CFAP92: variants seen among roughly 807,000 people sequenced by gnomAD.
CFAP92 encodes uncharacterized protein CFAP92.
In CFAP92, 86 loss-of-function variants were observed where a neutral mutation model predicts 106.3. The observed-to-expected ratio is 0.81, with a 90% CI of 0.68 to 0.97. The LOEUF (loss-of-function observed/expected upper bound fraction) is 0.97, where lower values mean the gene tolerates loss of function less well. CFAP92 is among the 50% of genes least tolerant of loss of function. The pLI is 0.00. For synonymous variants in CFAP92, 477 were observed against 506.4 expected, an observed-to-expected ratio of 0.94 and a Z score of 0.78; for missense variants, 1,204 against 1,283.8, an observed-to-expected ratio of 0.94 and a Z score of 0.95.
the CFAP92 span, among the ~76,000 whole-genome samples, chr3:129,016,788 G>C: frequency 6.6e-6 from 1 of 152,146 alleles, no homozygotes; most frequent in Non-Finnish European, 1.5e-5. Context: ...AGCACTCACT[G>C]GGTGTTAGGC....
At chr3:128,933,229 G>T (rs547694294) in intron 11 of CFAP92, among the ~76,000 whole-genome samples, 1 of 152,176 alleles carries the variant, frequency 6.6e-6, no homozygotes, top group East Asian at 1.9e-4. Flanking sequence ...CCCACGGTTT[G>T]CTCTGAGTGC....
At chr3:129,013,374 G>A in the CFAP92 span, among the ~76,000 whole-genome samples, 1 of 152,104 alleles carries the variant, frequency 6.6e-6, no homozygotes, top group Admixed American at 6.5e-5. Flanking sequence ...AAGTAGGAAC[G>A]GCACTTATTT....
At chr3:128,965,720 G>C in intron 8 of CFAP92, 25 bp from the exon 9 acceptor site, 1 of 398,180 alleles carries the variant, frequency 2.5e-6, no homozygotes. Flanking sequence ...CCCAGCATTA[G>C]ACCTTTCCTC....
the CFAP92 span, among the ~76,000 whole-genome samples, chr3:129,010,437 G>A: frequency 7.2e-5 from 11 of 152,312 alleles, no homozygotes; most frequent in South Asian, 2.3e-3. The surrounding 1 kb of genome is among the most constrained non-coding windows in gnomAD (Gnocchi z 4.3). Context: ...AGCCGGAACA[G>A]GGAGGAGAGG....
At chr3:128,927,671 C>A (rs914462740) in intron 12 of CFAP92, among the ~76,000 whole-genome samples, 1 of 147,354 alleles carries the variant, frequency 6.8e-6, no homozygotes, top group Non-Finnish European at 1.5e-5. Context: ...TTGCAGTGAG[C>A]GGAGATTGTG....
intron 15 of CFAP92, among the ~76,000 whole-genome samples, chr3:128,913,266 G>A (rs983803300): frequency 2.6e-5 from 4 of 152,188 alleles, no homozygotes; most frequent in African/African-American, 9.7e-5. Context: ...GACACACAGT[G>A]CAGGCCACAA....
At chr3:128,914,379 G>A (rs1186007483) in intron 15 of CFAP92, among the ~76,000 whole-genome samples, 1 of 152,186 alleles carries the variant, frequency 6.6e-6, no homozygotes, top group Admixed American at 6.6e-5. Flanking sequence ...CTAGGCAAAT[G>A]GAGAAAGTGA....
chr3:128,916,740 A>G (rs1936846713), intron 12 of CFAP92, among the ~76,000 whole-genome samples: 2 of 152,222 alleles, frequency 1.3e-5, no homozygotes, highest in Non-Finnish European at 2.9e-5. Context: ...CTGAACAGAG[A>G]GAAATAAGAT....
intron 15 of CFAP92, among the ~76,000 whole-genome samples, chr3:128,913,664 A>AACTT (rs1414384471): frequency 1.3e-5 from 2 of 152,128 alleles, no homozygotes; most frequent in African/African-American, 4.8e-5. Flanking sequence ...GGAGACTGGG[A>AACTT]ACTTGGAGAG....
chr3:128,993,052 C>G lies in CFAP92; in HGVS notation c.253G>C (p.Val85Leu), dbSNP rs1406180954. ...CTGCTCTAGCACCTACCCATATTCA[C>G]AGGGAAGGCCAGTGAGATGGTGAAT... ...CKFTISLAFP[V>L]NMGQKGKYAS... Residue 85 changes from valine to leucine, a missense_variant, in exon 2 of 16, where the codon GTG becomes CTG. Transcript: ENST00000645291. 1 of 1,614,068 alleles carries G rather than the reference C, an allele frequency of 6.2e-7. No homozygotes were observed. Among genetic ancestry groups the G allele is most frequent in the East Asian group, 2.2e-5 (1 of 44,888 alleles).
At chr3:128,951,954 A>G (rs1940850148) in intron 9 of CFAP92, among the ~76,000 whole-genome samples, 1 of 152,144 alleles carries the variant, frequency 6.6e-6, no homozygotes, top group African/African-American at 2.4e-5. Context: ...CCACAAGAGC[A>G]GTAACAAGAT....
At chr3:129,025,204 C>T in the CFAP92 span, among the ~76,000 whole-genome samples, 2 of 152,130 alleles carry the variant, frequency 1.3e-5, no homozygotes, top group African/African-American at 4.8e-5. Context: ...AAAGCCATGG[C>T]GTTGGCTGAG....
intron 1 of CFAP92, chr3:129,001,699 C>A (rs991820304): frequency 6.7e-7 from 1 of 1,498,198 alleles, no homozygotes. Context: ...CGGCGACCTG[C>A]GCGGCGCACG....
chr3:129,001,163 G>A (rs1475099265), intron 1 of CFAP92, among the ~76,000 whole-genome samples: 1 of 152,224 alleles, frequency 6.6e-6, no homozygotes, highest in Non-Finnish European at 1.5e-5. Flanking sequence ...GGACGAGGCC[G>A]CCACCCCCAA....
chr3:128,959,611 G>A (rs1941714711), intron 9 of CFAP92, among the ~76,000 whole-genome samples: 1 of 152,200 alleles, frequency 6.6e-6, no homozygotes, highest in South Asian at 2.1e-4. Flanking sequence ...GCTGAACCTG[G>A]TTGGTTCACA....
chr3:128,971,290 C>A lies in CFAP92; in HGVS notation c.1165G>T (p.Ala389Ser). ...SIQLAVMPLLAGWQTVVSRGS... is the reference protein window; with the variant it reads ...SIQLAVMPLLSGWQTVVSRGS... ...GAACAGGGCAAGCAGTGGGTACCGGCAAGGAGCGGCATGACGGCCAGCTGG... is the reference window on the plus strand; with the variant it reads ...GAACAGGGCAAGCAGTGGGTACCGGAAAGGAGCGGCATGACGGCCAGCTGG... The change falls in exon 8 of 16, where the codon GCC becomes TCC. Residue 389 changes from alanine to serine, a missense_variant. Coordinates refer to ENST00000645291, the MANE Select transcript of CFAP92 (RefSeq NM_001394090.1). 6.2e-7 allele frequency: 1 copy of A among 1,613,726 alleles called. No homozygotes were observed. Among genetic ancestry groups the A allele is most frequent in the South Asian group, 1.1e-5 (1 of 91,004 alleles).
intron 9 of CFAP92, among the ~76,000 whole-genome samples, chr3:128,952,910 C>G (rs1298595628): frequency 1.3e-5 from 2 of 151,834 alleles, no homozygotes; most frequent in Non-Finnish European, 2.9e-5. Flanking sequence ...TAGTGAAACC[C>G]CATATCTACT....
the CFAP92 span, among the ~76,000 whole-genome samples, chr3:129,022,037 C>T: frequency 2.6e-5 from 4 of 152,208 alleles, no homozygotes; most frequent in African/African-American, 2.4e-5. Context: ...GCGCAGAGCT[C>T]TGCTCTCACA....
chr3:128,963,447 C>T (rs1423875436), intron 9 of CFAP92, among the ~76,000 whole-genome samples: 2 of 152,176 alleles, frequency 1.3e-5, no homozygotes, highest in Non-Finnish European at 2.9e-5. Flanking sequence ...CTTCCTCATA[C>T]CTGACGCATA....
Sources: allele counts gnomAD v4.1 joint callset (sites outside exome capture counted in the v4.1 genomes callset), GRCh38; gene constraint gnomAD v4.1.1; non-coding constraint Gnocchi (gnomAD v3.1); transcripts MANE v1.5; gene names NCBI Gene and HGNC (gene_info 2026-07-23, HGNC 2026-07-21).